TTLL9: variants seen among roughly 807,000 people sequenced by gnomAD.
TTLL9 encodes the protein tubulin tyrosine ligase like 9, also known as probable tubulin polyglutamylase TTLL9.
TTLL9 carries 47 observed loss-of-function variants against 65.6 expected under a neutral mutation model. That is an observed-to-expected ratio of 0.72 (90% CI 0.57 to 0.91). TTLL9 has a LOEUF of 0.91. TTLL9 is among the 40% of genes least tolerant of loss of function. The pLI, the probability that TTLL9 is intolerant of heterozygous loss-of-function variation, is 0.00. For synonymous variants in TTLL9, 179 were observed against 204.8 expected (o/e 0.87, Z 1.07); for missense variants, 537 against 568.8 (o/e 0.94, Z 0.57).
intron 3 of TTLL9, among the ~76,000 whole-genome samples, chr20:31,887,826 T>A (rs1487066660): frequency 7.8e-6 from 1 of 127,868 alleles, no homozygotes; most frequent in Non-Finnish European, 1.7e-5. Flanking sequence ...TTAGATAGTT[T>A]ATTCTTTGGT....
chr20:31,873,828 G>GAAAGAAAGAAAGAAAGAA (rs2062994742), intron 2 of TTLL9, among the ~76,000 whole-genome samples: 1 of 61,318 alleles, frequency 1.6e-5, no homozygotes, highest in African/African-American at 6.8e-5. Context: ...AAGGAAGAAA[G>GAAAGAAAGAAAGAAAGAA]AAAGAAAGAA....
At chr20:31,898,892 C>G (rs2063428393) in intron 4 of TTLL9, among the ~76,000 whole-genome samples, 1 of 152,224 alleles carries the variant, frequency 6.6e-6, no homozygotes, top group East Asian at 1.9e-4. Flanking sequence ...AGGAATGTAG[C>G]TACCACAGAC....
chr20:31,877,794 T>C (rs993381825), intron 2 of TTLL9, among the ~76,000 whole-genome samples: 1 of 152,222 alleles, frequency 6.6e-6, no homozygotes, highest in Non-Finnish European at 1.5e-5. Flanking sequence ...TGCCCCAACA[T>C]ATACACATTG....
intron 1 of TTLL9, 51 bp from the exon 2 acceptor site, chr20:31,871,071 A>G (rs904159151): frequency 1.3e-6 from 2 of 1,535,548 alleles, no homozygotes; most frequent in East Asian, 2.3e-5. Context: ...CCATCTTCCC[A>G]TCCATTCATC....
Position 31,908,810 on chromosome 20 carries a change from G to A in TTLL9, c.318+108G>A, listed in dbSNP as rs999585217. The A allele has an allele frequency of 6.7e-6, 6 of 891,226 alleles. No individual in the cohort carries two copies. The Admixed American group carries it at 1.0e-4, about 15-fold the overall frequency. 55.2% of individuals were successfully genotyped at this position (891,226 alleles called of 1,614,324 possible). On this transcript the variant is annotated intron_variant, in intron 5 of 14. Transcript: ENST00000535842. ...AGAAAAGTGTATTAGAATGTGGGAT[G>A]CAACGCCGAGTGGGAAGTCTGCGGG... is the stretch of plus-strand genomic sequence containing the variant.
intron 11 of TTLL9, 29 bp from the exon 12 acceptor site, chr20:31,934,663 C>CGGAG (rs2064078136): frequency 1.3e-6 from 2 of 1,585,966 alleles, no homozygotes; most frequent in Non-Finnish European, 1.7e-6. Context: ...ACTGAGGCTC[C>CGGAG]TCTCTCGACC....
At chr20:31,939,326 G>A (rs2064169454) in intron 14 of TTLL9, 60 bp downstream of exon 14, 7 of 1,588,034 alleles carry the variant, frequency 4.4e-6, no homozygotes, top group Non-Finnish European at 6.0e-6. Context: ...GTACCAGGTA[G>A]TCTAGGAGGC....
intron 6 of TTLL9, among the ~76,000 whole-genome samples, chr20:31,915,614 G>T (rs1340565249): frequency 3.3e-5 from 5 of 152,182 alleles, no homozygotes; most frequent in African/African-American, 1.2e-4. Context: ...TGAGCCCCAG[G>T]TTTGTGTAGC....
intron 3 of TTLL9, among the ~76,000 whole-genome samples, chr20:31,897,497 T>C (rs1329904619): frequency 1.3e-5 from 2 of 152,204 alleles, no homozygotes; most frequent in African/African-American, 2.4e-5. Flanking sequence ...TTTGCTATAA[T>C]GTTTTTCTGT....
Position 31,943,077 on chromosome 20 carries a change from C to CA in TTLL9, c.*57dup, listed in dbSNP as rs752349075. ...GCAGGTGCCACCCAGGCCTCCCCCC[C>CA]ACTCCCAGATCCCAGCACAGCACCT... is the stretch of plus-strand genomic sequence containing the variant. On this transcript the variant is annotated 3_prime_UTR_variant, in exon 15 of 15. Coordinates refer to ENST00000535842, the MANE Select transcript of TTLL9 (RefSeq NM_001008409.5). 15 of 1,508,552 alleles carry CA rather than the reference C, an allele frequency of 9.9e-6. No homozygotes were observed. Among genetic ancestry groups the CA allele is most frequent in the African/African-American group, 2.7e-5 (2 of 72,890 alleles). 93.4% of individuals were successfully genotyped at this position (1,508,552 alleles called of 1,614,324 possible).
chr20:31,886,085 G>A (rs554657522), intron 2 of TTLL9, among the ~76,000 whole-genome samples: 4 of 152,300 alleles, frequency 2.6e-5, no homozygotes, highest in South Asian at 2.1e-4. Flanking sequence ...GACCCCACAC[G>A]CCAGATGAGA....
chr20:31,935,453 G>A (rs889903411), intron 12 of TTLL9, among the ~76,000 whole-genome samples: 4 of 152,186 alleles, frequency 2.6e-5, no homozygotes, highest in African/African-American at 9.7e-5. Context: ...GCCAGGCCCA[G>A]GGTCCAAGGA....
At chr20:31,894,487 C>T (rs530600186) in intron 3 of TTLL9, among the ~76,000 whole-genome samples, 3 of 149,614 alleles carry the variant, frequency 2.0e-5, no homozygotes, top group Admixed American at 6.7e-5. Flanking sequence ...TTTTAAATTT[C>T]TTCTCTAATG....
In TTLL9 at chr20:31,906,675, G is replaced by A. The variant is rs531665127; in HGVS notation, c.207-1916G>A. ...CTTTTTTTTCTTTTTTTTGAGATGG[G>A]GTCTCACTCTGTCACACACGCTGGA... On this transcript the variant is annotated intron_variant, in intron 4 of 14. Transcript: ENST00000535842. Among the ~76,000 whole-genome samples the A allele has an allele frequency of 2.6e-5, 4 of 151,844 alleles. No homozygotes were observed. The East Asian group carries it at 7.7e-4, about 29-fold the overall frequency.
In TTLL9 at chr20:31,938,113, CCTCCCT is replaced by C. The variant is rs760602408; in HGVS notation, c.1118+618_1118+623del. Reference sequence around the variant, plus strand: ...CTCCCTCTCCCTCTCCCTCTCCCTCCCTCCCTCTCCCTCTCCCTCCCTCCCTTCTCT... The same window carrying C: ...CTCCCTCTCCCTCTCCCTCTCCCTCCCTCCCTCTCCCTCCCTCCCTTCTCT... On this transcript the variant is annotated intron_variant, in intron 13 of 14. Coordinates refer to ENST00000535842, the MANE Select transcript of TTLL9 (RefSeq NM_001008409.5). 115 of 376,590 alleles carry C rather than the reference CCTCCCT, an allele frequency of 3.1e-4. 4 individuals are homozygous for C. The highest frequency in any genetic ancestry group is 1.9e-3 in the South Asian group (102 of 54,296). The allele number at this position is 376,590 out of a possible 1,614,324, so 23.3% of individuals were successfully genotyped here.
intron 2 of TTLL9, 37 bp downstream of exon 2, chr20:31,871,232 G>A (rs529927370): frequency 1.9e-6 from 3 of 1,599,206 alleles, no homozygotes; most frequent in Non-Finnish European, 2.6e-6. Context: ...GAGGGTTCCA[G>A]TCTGAAGGAG....
In TTLL9 at chr20:31,944,882, T is replaced by C. The variant is rs1455032052; in HGVS notation, c.*1861T>C. 6.6e-6 allele frequency: 1 copy of C among 152,236 alleles called. No homozygotes were observed. The highest frequency in any genetic ancestry group is 1.9e-4 in the East Asian group (1 of 5,196). 9.4% of individuals were successfully genotyped at this position (152,236 alleles called of 1,614,324 possible). A position where few individuals can be genotyped will look rare whatever the true frequency, so the allele number is the denominator to read the frequency against. On this transcript the variant is annotated 3_prime_UTR_variant, in exon 15 of 15. Coordinates refer to ENST00000535842, the MANE Select transcript of TTLL9 (RefSeq NM_001008409.5). Reference sequence around the variant, plus strand: ...GTTTATTTCAAGGCAAGAACCATGTTCATAGGTTGTATTCTAAATGGAGTG... The same window carrying C: ...GTTTATTTCAAGGCAAGAACCATGTCCATAGGTTGTATTCTAAATGGAGTG...
chr20:31,885,955 C>T (rs1360770777), intron 2 of TTLL9, among the ~76,000 whole-genome samples: 1 of 152,244 alleles, frequency 6.6e-6, no homozygotes, highest in African/African-American at 2.4e-5. Context: ...CAGGGAGCTG[C>T]AGGCAGCCTC....
At position 31,879,851 on chromosome 20, in the gene TTLL9, C is replaced by A. The variant is rs1018652378; in HGVS notation, c.70-7345C>A. ...CATAAGCACGCGAGGCGCGCGGTGG[C>A]GGTTTGGATCTGGCCCCTGGGGAAT... On this transcript the variant is annotated intron_variant, in intron 2 of 14. Transcript: ENST00000535842. 7 of 1,549,858 alleles carry A rather than the reference C, an allele frequency of 4.5e-6. No individual in the cohort carries two copies. In the African/African-American group the frequency reaches 8.2e-5, roughly 18 times the overall value.
Sources: allele counts gnomAD v4.1 joint callset (sites outside exome capture counted in the v4.1 genomes callset), GRCh38; gene constraint gnomAD v4.1.1; transcripts MANE v1.5; gene names NCBI Gene and HGNC (gene_info 2026-07-23, HGNC 2026-07-21).